The following MALRD1 variants were observed in gnomAD, a reference collection of about 807,000 sequenced individuals.
MALRD1 encodes MAM and LDL receptor class A domain containing 1.
In MALRD1, 247 loss-of-function variants were observed where a neutral mutation model predicts 242.1. That is an observed-to-expected ratio of 1.02 (90% CI 0.92 to 1.13). The LOEUF (loss-of-function observed/expected upper bound fraction) is 1.13, where lower values mean the gene tolerates loss of function less well. MALRD1 is among the 50% of genes most tolerant of loss of function. The pLI is 0.00. For synonymous variants in MALRD1, 995 were observed against 866.6 expected (o/e 1.15, Z -2.60); for missense variants, 2,989 against 2,533.1 (o/e 1.18, Z -3.86).
chr10:19,094,597 T>C (rs4353174), intron 4 of MALRD1, among the ~76,000 whole-genome samples: 81,331 of 151,516 alleles, frequency 0.54, 21,995 homozygotes, highest in Middle Eastern at 0.6. Flanking sequence ...TGTTCCTATT[T>C]GGCCATCTTG....
intron 33 of MALRD1, among the ~76,000 whole-genome samples, chr10:19,576,334 A>G (rs913020391): frequency 2.6e-5 from 4 of 152,192 alleles, no homozygotes; most frequent in African/African-American, 4.8e-5. Context: ...AAGTTACTCT[A>G]TCATCTTTAT....
At chr10:19,383,962 G>A (rs1159182594) in intron 26 of MALRD1, among the ~76,000 whole-genome samples, 2 of 151,846 alleles carry the variant, frequency 1.3e-5, no homozygotes, top group Non-Finnish European at 2.9e-5. Context: ...TAAGTTTGTA[G>A]AACCTAACTT....
Position 19,722,520 on chromosome 10 carries a change from T to C in MALRD1, c.6315-8186T>C, listed in dbSNP as rs542518447. 4.4e-5 allele frequency: 6 copies of C among 136,090 alleles called. No homozygotes were observed. The South Asian group carries it at 1.4e-3, about 32-fold the overall frequency. The allele number at this position is 136,090 out of a possible 1,614,324, so 8.4% of individuals were successfully genotyped here. A position where few individuals can be genotyped will look rare whatever the true frequency, so the allele number is the denominator to read the frequency against. On this transcript the variant is annotated intron_variant, in intron 38 of 39. Coordinates refer to ENST00000454679, the MANE Select transcript of MALRD1 (RefSeq NM_001142308.3). ...CAGGAGGATCTCTTGAGCCCAGGAG[T>C]TGGAGGCTGCTGTGAGCTAGGATCA...
At chr10:19,522,033 A>G (rs966018372) in intron 31 of MALRD1, among the ~76,000 whole-genome samples, 10 of 152,076 alleles carry the variant, frequency 6.6e-5, no homozygotes, top group African/African-American at 2.4e-4. Flanking sequence ...AAGGCCACTC[A>G]TTTACAACGC....
intron 12 of MALRD1, among the ~76,000 whole-genome samples, chr10:19,161,838 G>A (rs1026197569): frequency 5.0e-4 from 76 of 152,140 alleles, no homozygotes; most frequent in African/African-American, 1.8e-3. Flanking sequence ...GATCATCCTG[G>A]CCAACATGGT....
At chr10:19,360,703 A>G (rs1046635908) in intron 26 of MALRD1, among the ~76,000 whole-genome samples, 2 of 152,140 alleles carry the variant, frequency 1.3e-5, no homozygotes, top group African/African-American at 4.8e-5. Flanking sequence ...CATAGTAAAC[A>G]GCCTTATAAA....
chr10:19,415,753 CA>C (rs1360442555), intron 28 of MALRD1, among the ~76,000 whole-genome samples: 1 of 151,976 alleles, frequency 6.6e-6, no homozygotes, highest in Non-Finnish European at 1.5e-5. Flanking sequence ...GAGACAATAC[CA>C]AAATTGTATT....
intron 29 of MALRD1, among the ~76,000 whole-genome samples, chr10:19,477,457 G>GAAATAAATAAATAAAT (rs60939811): frequency 6.0e-5 from 9 of 150,112 alleles, no homozygotes; most frequent in African/African-American, 2.2e-4. Context: ...AGAGTAGTTG[G>GAAATAAATAAATAAAT]AAATAAATAA....
At chr10:19,055,246 A>T (rs1263224323) in intron 1 of MALRD1, among the ~76,000 whole-genome samples, 1 of 152,086 alleles carries the variant, frequency 6.6e-6, no homozygotes, top group Non-Finnish European at 1.5e-5. Context: ...TTAAATCAGG[A>T]TATTATTTTC....
chr10:19,663,136 T>G (rs1841522149), intron 36 of MALRD1, among the ~76,000 whole-genome samples: 1 of 152,118 alleles, frequency 6.6e-6, no homozygotes, highest in South Asian at 2.1e-4. Flanking sequence ...ATAATGGACA[T>G]TGCACCCAAT....
At chr10:19,593,824 T>G (rs1171924773) in intron 33 of MALRD1, among the ~76,000 whole-genome samples, 2 of 152,194 alleles carry the variant, frequency 1.3e-5, no homozygotes, top group African/African-American at 4.8e-5. Context: ...TATTTAAAAT[T>G]TGTGGGCTTC....
chr10:19,718,033 G>T (rs865993961), intron 38 of MALRD1, among the ~76,000 whole-genome samples: 344 of 114,394 alleles, frequency 3.0e-3, no homozygotes, highest in African/African-American at 4.6e-3. Flanking sequence ...AATAAATAAA[G>T]AGGAAGAAGA....
intron 1 of MALRD1, among the ~76,000 whole-genome samples, chr10:19,052,438 A>G (rs1454151324): frequency 6.6e-6 from 1 of 152,214 alleles, no homozygotes; most frequent in Non-Finnish European, 1.5e-5. Flanking sequence ...ATGTAGTTGA[A>G]CTTCTGGGAT....
intron 1 of MALRD1, among the ~76,000 whole-genome samples, chr10:19,054,401 T>C (rs1472750703): frequency 1.3e-5 from 2 of 152,182 alleles, no homozygotes; most frequent in African/African-American, 4.8e-5. Context: ...GCCTCACTTA[T>C]CAATTTTTTT....
At chr10:19,432,904 G>T (rs1196491879) in intron 28 of MALRD1, among the ~76,000 whole-genome samples, 2 of 152,202 alleles carry the variant, frequency 1.3e-5, no homozygotes, top group African/African-American at 4.8e-5. Flanking sequence ...AACTTTGGAT[G>T]CTTTATAATA....
Position 19,498,647 on chromosome 10 carries a change from G to A in MALRD1, c.5320+1G>A. 1.3e-6 allele frequency: 2 copies of A among 1,548,686 alleles called. No homozygotes were observed. The highest frequency in any genetic ancestry group is 1.2e-5 in the South Asian group (1 of 83,926). ...ATTCCAGACTCTGATCACACGCCAG[G>A]TAAATCTAGTAGCCATCCCCAGACC... On this transcript the variant is annotated splice_donor_variant, in intron 31 of 39. Coordinates refer to ENST00000454679, the MANE Select transcript of MALRD1 (RefSeq NM_001142308.3). LOFTEE classifies it high-confidence loss of function.
chr10:19,326,746 A>T (rs1425350057), intron 22 of MALRD1, among the ~76,000 whole-genome samples: 4 of 152,150 alleles, frequency 2.6e-5, no homozygotes, highest in Non-Finnish European at 2.9e-5. Flanking sequence ...GTAATCATTA[A>T]AATTCATCTT....
At chr10:19,658,238 A>G (rs1841262000) in intron 36 of MALRD1, among the ~76,000 whole-genome samples, 2 of 152,176 alleles carry the variant, frequency 1.3e-5, no homozygotes, top group Non-Finnish European at 2.9e-5. Flanking sequence ...CATTAAGTCT[A>G]CACATCTTGC....
At chr10:19,477,679 C>T (rs116271889) in intron 29 of MALRD1, among the ~76,000 whole-genome samples, 240 of 152,142 alleles carry the variant, frequency 1.6e-3, no homozygotes, top group African/African-American at 5.5e-3. Flanking sequence ...AGAGGGGCTC[C>T]CAAGTGGGAC....
Sources: allele counts gnomAD v4.1 joint callset (sites outside exome capture counted in the v4.1 genomes callset), GRCh38; gene constraint gnomAD v4.1.1; transcripts MANE v1.5; gene names NCBI Gene and HGNC (gene_info 2026-07-23, HGNC 2026-07-21).